The following NTM variants were observed in gnomAD, a reference collection of about 807,000 sequenced individuals.
NTM encodes neurotrimin, also known as IgLON family member 2.
In NTM, 13 loss-of-function variants were observed where a neutral mutation model predicts 42.1. The ratio of observed to expected loss-of-function variants is 0.31; its 90% CI spans 0.20 to 0.49. The LOEUF is 0.49. Ranked by LOEUF, NTM falls within the 20% of genes least tolerant of loss-of-function variation. NTM has a pLI of 0.99. For missense variants in NTM, 373 were observed against 452.8 expected, an observed-to-expected ratio of 0.82 and a Z score of 1.60; for synonymous variants, 187 against 179.2, an observed-to-expected ratio of 1.04 and a Z score of -0.35.
intron 1 of NTM, among the ~76,000 whole-genome samples, chr11:131,377,384 C>G (rs538119394): frequency 6.6e-6 from 1 of 152,238 alleles, no homozygotes; most frequent in South Asian, 2.1e-4. Flanking sequence ...TTCCTTTATG[C>G]CCTGACTTCT....
intron 2 of NTM, among the ~76,000 whole-genome samples, chr11:132,024,633 T>C (rs2074909807): frequency 6.6e-6 from 1 of 152,174 alleles, no homozygotes; most frequent in Non-Finnish European, 1.5e-5. Context: ...TGGGACTGGC[T>C]TCTCTCTAAA....
At chr11:132,063,028 C>T (rs968058026) in intron 2 of NTM, among the ~76,000 whole-genome samples, 7 of 152,218 alleles carry the variant, frequency 4.6e-5, no homozygotes, top group African/African-American at 1.4e-4. Flanking sequence ...AAACAACAGA[C>T]ATCTCTTTTT....
intron 1 of NTM, among the ~76,000 whole-genome samples, chr11:131,800,186 T>C (rs546621854): frequency 6.6e-6 from 1 of 152,318 alleles, no homozygotes; most frequent in Non-Finnish European, 1.5e-5. Context: ...ACATGAAGGG[T>C]CTATGACTTT....
At chr11:131,706,972 TATC>T (rs775075832) in intron 1 of NTM, among the ~76,000 whole-genome samples, 3 of 151,580 alleles carry the variant, frequency 2.0e-5, no homozygotes, top group Non-Finnish European at 2.9e-5. Context: ...CCTCACTACT[TATC>T]ATTTCTTTGT....
At chr11:131,444,203 CAAAAAAAAAAAAA>C (rs71475757) in intron 1 of NTM, among the ~76,000 whole-genome samples, 1 of 49,516 alleles carries the variant, frequency 2.0e-5, no homozygotes. Flanking sequence ...AGGTTAGAAC[CAAAAAAAAAAAAA>C]AAAAAAAAAA....
chr11:131,474,262 C>T (rs972700039), intron 1 of NTM, among the ~76,000 whole-genome samples: 4 of 152,154 alleles, frequency 2.6e-5, no homozygotes, highest in Admixed American at 6.5e-5. Flanking sequence ...CCACCTCCTC[C>T]ATCTGGAAAC....
intron 1 of NTM, among the ~76,000 whole-genome samples, chr11:131,391,422 T>A (rs575241621): frequency 6.6e-6 from 1 of 152,178 alleles, no homozygotes; most frequent in African/African-American, 2.4e-5. Flanking sequence ...ACTGAGTACT[T>A]TATAAATAGC....
At chr11:132,119,912 C>T (rs1474385491) in intron 2 of NTM, among the ~76,000 whole-genome samples, 1 of 152,218 alleles carries the variant, frequency 6.6e-6, no homozygotes, top group African/African-American at 2.4e-5. Context: ...TGCATCAGCT[C>T]CTGGGGAGAT....
At chr11:132,256,919 G>A (rs1386692175) in intron 4 of NTM, among the ~76,000 whole-genome samples, 1 of 152,184 alleles carries the variant, frequency 6.6e-6, no homozygotes, top group Non-Finnish European at 1.5e-5. Context: ...AGGAGCATCT[G>A]TCACTCTCCA....
chr11:131,795,309 A>G, intron 1 of NTM: 1 of 742,670 alleles, frequency 1.3e-6, no homozygotes, highest in Non-Finnish European at 1.6e-6. Flanking sequence ...GAGAGAATGC[A>G]GTGCCCAGGC....
chr11:131,710,625 C>T (rs1052903803), intron 1 of NTM, among the ~76,000 whole-genome samples: 2 of 152,128 alleles, frequency 1.3e-5, no homozygotes, highest in Non-Finnish European at 2.9e-5. Flanking sequence ...ATACCCAAAC[C>T]AGCACCATTA....
chr11:132,008,859 T>G (rs2071421086), intron 2 of NTM, among the ~76,000 whole-genome samples: 1 of 151,214 alleles, frequency 6.6e-6, no homozygotes, highest in Non-Finnish European at 1.5e-5. Context: ...CTTTCTTTCC[T>G]TGTTTTCTTT....
At chr11:131,528,933 T>C (rs139021578) in intron 1 of NTM, among the ~76,000 whole-genome samples, 20 of 152,338 alleles carry the variant, frequency 1.3e-4, no homozygotes, top group Middle Eastern at 3.4e-3. Flanking sequence ...TATTTCCGAA[T>C]AGATTACATT....
At chr11:132,170,758 G>A (rs1217099068) in intron 3 of NTM, among the ~76,000 whole-genome samples, 1 of 152,070 alleles carries the variant, frequency 6.6e-6, no homozygotes, top group Non-Finnish European at 1.5e-5. Context: ...ACCTAGCATT[G>A]GAAAGCATTC....
intron 2 of NTM, among the ~76,000 whole-genome samples, chr11:132,134,435 G>C (rs2067377746): frequency 6.6e-6 from 1 of 151,786 alleles, no homozygotes; most frequent in South Asian, 2.1e-4. Context: ...CACTCGAGCA[G>C]TGTACAGTGT....
chr11:131,498,528 A>G (rs1955590837), intron 1 of NTM, among the ~76,000 whole-genome samples: 1 of 152,142 alleles, frequency 6.6e-6, no homozygotes, highest in African/African-American at 2.4e-5. Context: ...CTTTTCTTCC[A>G]AACATACACA....
At chr11:131,702,598 G>C (rs556906299) in intron 1 of NTM, among the ~76,000 whole-genome samples, 5 of 152,276 alleles carry the variant, frequency 3.3e-5, no homozygotes, top group Non-Finnish European at 7.3e-5. Context: ...AGCAGCACCA[G>C]ACAAACAGGA....
At chr11:131,822,177 C>A (rs149806686) in intron 1 of NTM, among the ~76,000 whole-genome samples, 6 of 152,116 alleles carry the variant, frequency 3.9e-5, no homozygotes, top group Admixed American at 3.9e-4. Context: ...GTCGTCACCC[C>A]GTTTAATTAC....
At chr11:132,202,962 G>A (rs1264274847) in intron 3 of NTM, among the ~76,000 whole-genome samples, 1 of 152,192 alleles carries the variant, frequency 6.6e-6, no homozygotes, top group Non-Finnish European at 1.5e-5. Context: ...GGGTTCTGGT[G>A]AAGAGAATAA....
Sources: gnomAD v4.1 joint callset for allele counts (sites outside exome capture counted in the v4.1 genomes callset) on GRCh38, gnomAD v4.1.1 for gene constraint, MANE v1.5 for transcripts, NCBI Gene and HGNC (gene_info 2026-07-23, HGNC 2026-07-21) for gene names.